ZNF93: variants seen among roughly 807,000 people sequenced by gnomAD.
ZNF93 encodes the protein zinc finger protein 505.
Under a neutral mutation model 45.0 loss-of-function variants are expected in ZNF93, and 29 were observed. The observed-to-expected ratio is 0.64, with a 90% CI of 0.48 to 0.88. ZNF93 has a LOEUF of 0.88. Ranked by LOEUF, ZNF93 falls within the 40% of genes least tolerant of loss-of-function variation. The pLI, the probability that ZNF93 is intolerant of heterozygous loss-of-function variation, is 0.00. For missense variants in ZNF93, 578 were observed against 724.0 expected, an observed-to-expected ratio of 0.80 and a Z score of 2.31; for synonymous variants, 223 against 244.6, an observed-to-expected ratio of 0.91 and a Z score of 0.82.
chr19:19,930,317 T>C (rs200908445), intron 3 of ZNF93, among the ~76,000 whole-genome samples: 2 of 151,978 alleles, frequency 1.3e-5, no homozygotes, highest in Non-Finnish European at 2.9e-5. Context: ...AGGTGTACAG[T>C]ATGGAACCTG....
At chr19:19,913,080 G>A (rs2063314077) in intron 1 of ZNF93, among the ~76,000 whole-genome samples, 1 of 152,154 alleles carries the variant, frequency 6.6e-6, no homozygotes, top group South Asian at 2.1e-4. Context: ...ACCCTGTGCT[G>A]TTCCTGCTTT....
chr19:19,901,654 C>T (rs959168941), intron 1 of ZNF93, among the ~76,000 whole-genome samples: 2 of 151,854 alleles, frequency 1.3e-5, no homozygotes, highest in African/African-American at 4.8e-5. Context: ...CTTCTTTTTC[C>T]CCATTCTCCT....
chr19:19,934,119 G>A lies in ZNF93; in HGVS notation c.1164G>A (p.Lys388=), dbSNP rs140935689. 5.0e-6 allele frequency: 8 copies of A among 1,611,332 alleles called. No homozygotes were observed. The highest frequency in any genetic ancestry group is 1.3e-5 in the African/African-American group (1 of 74,804). ...GGTCCTCAGTCCTAACTAGACATAA[G>A]AGAGTTCATACTGGAGAGAAGCCCT... is the stretch of plus-strand genomic sequence containing the variant. The part of the protein sequence containing the change: ...FIWSSVLTRH[K]RVHTGEKPYK... The change falls in exon 4 of 4, where the codon AAG becomes AAA. Residue 388 remains lysine, a synonymous_variant. Transcript: ENST00000343769.
At chr19:19,930,270 T>C (rs2063369603) in intron 3 of ZNF93, among the ~76,000 whole-genome samples, 1 of 152,170 alleles carries the variant, frequency 6.6e-6, no homozygotes, top group Non-Finnish European at 1.5e-5. Context: ...TTTAGTACTT[T>C]CACTAATTTT....
intron 1 of ZNF93, among the ~76,000 whole-genome samples, chr19:19,902,039 G>A (rs577405888): frequency 2.6e-5 from 4 of 152,122 alleles, no homozygotes; most frequent in African/African-American, 9.6e-5. Flanking sequence ...AGTGAGCCGA[G>A]AGCTTGCCAT....
At chr19:19,905,053 T>C (rs1482352370) in intron 1 of ZNF93, among the ~76,000 whole-genome samples, 1 of 152,176 alleles carries the variant, frequency 6.6e-6, no homozygotes, top group East Asian at 1.9e-4. Context: ...GCAACCTGTT[T>C]TCTCCACCAA....
At chr19:19,932,268 G>A (rs1354917349) in intron 3 of ZNF93, 2 of 154,808 alleles carry the variant, frequency 1.3e-5, no homozygotes, top group Non-Finnish European at 2.9e-5. Flanking sequence ...CAAATATTCA[G>A]TTTGGTCTTA....
intron 3 of ZNF93, among the ~76,000 whole-genome samples, chr19:19,924,883 G>A (rs1338002201): frequency 6.6e-6 from 1 of 152,180 alleles, no homozygotes; most frequent in African/African-American, 2.4e-5. Flanking sequence ...GAGGCACCCC[G>A]CCTGGCCCAA....
intron 1 of ZNF93, among the ~76,000 whole-genome samples, chr19:19,911,585 T>C (rs1475180908): frequency 6.6e-6 from 1 of 152,044 alleles, no homozygotes; most frequent in Non-Finnish European, 1.5e-5. Flanking sequence ...TCCAGAAACT[T>C]TTAGTCTAGA....
At chr19:19,906,051 T>A (rs1344388792) in intron 1 of ZNF93, among the ~76,000 whole-genome samples, 3 of 152,196 alleles carry the variant, frequency 2.0e-5, no homozygotes, top group African/African-American at 7.2e-5. Flanking sequence ...TACCCAATTA[T>A]AAGGTTTCTG....
chr19:19,925,025 G>A (rs962973086), intron 3 of ZNF93, among the ~76,000 whole-genome samples: 7 of 152,204 alleles, frequency 4.6e-5, no homozygotes, highest in African/African-American at 1.4e-4. Context: ...GCTGTACATG[G>A]ATGCCTTTAT....
chr19:19,902,653 T>C (rs2063277321), intron 1 of ZNF93, among the ~76,000 whole-genome samples: 1 of 151,808 alleles, frequency 6.6e-6, no homozygotes, highest in South Asian at 2.1e-4. Context: ...GAGGCGTTAT[T>C]CTGAGAGAAG....
chr19:19,913,113 G>GC (rs1294545504), intron 1 of ZNF93, among the ~76,000 whole-genome samples: 1 of 149,566 alleles, frequency 6.7e-6, no homozygotes, highest in African/African-American at 2.6e-5. Flanking sequence ...CTCATAATGA[G>GC]CCAGTGGGGA....
chr19:19,930,248 A>G (rs200124178), intron 3 of ZNF93, among the ~76,000 whole-genome samples: 1 of 152,132 alleles, frequency 6.6e-6, no homozygotes, highest in African/African-American at 2.4e-5. Flanking sequence ...TTATTTCTGC[A>G]TATCAGAGAC....
Position 19,933,289 on chromosome 19 carries a change from C to T in ZNF93, c.334C>T (p.Gln112Ter). The T allele has an allele frequency of 6.2e-7, 1 of 1,611,516 alleles. No homozygotes were observed. Among genetic ancestry groups the T allele is most frequent in the East Asian group, 2.2e-5 (1 of 44,792 alleles). Reference protein sequence around the residue: ...RYEKRGHGNLQLIKRCESVDE... With the variant: ...RYEKRGHGNL ...TGAAAAACGTGGACATGGAAATTTA[C>T]AGTTAATAAAAAGGTGTGAAAGTGT... Residue 112 changes from glutamine to a stop codon, truncating the protein, a stop_gained, in exon 4 of 4, where the codon CAG becomes TAG. Transcript: ENST00000343769. LOFTEE classifies it high-confidence loss of function.
chr19:19,930,676 C>T (rs2063371203), intron 3 of ZNF93, among the ~76,000 whole-genome samples: 1 of 152,138 alleles, frequency 6.6e-6, no homozygotes, highest in Admixed American at 6.5e-5. Flanking sequence ...TATGTCCCCT[C>T]AGCTCCTATC....
intron 1 of ZNF93, among the ~76,000 whole-genome samples, chr19:19,902,087 TAAAAAA>T (rs922739298): frequency 6.7e-6 from 1 of 149,036 alleles, no homozygotes; most frequent in African/African-American, 2.5e-5. Flanking sequence ...GACTCCGTCT[TAAAAAA>T]AAAATAGACA....
At chr19:19,902,922 A>G (rs1025847092) in intron 1 of ZNF93, among the ~76,000 whole-genome samples, 2 of 151,574 alleles carry the variant, frequency 1.3e-5, no homozygotes, top group Non-Finnish European at 2.9e-5. Context: ...AATTTTTTTA[A>G]TAGAGACGGG....
chr19:19,911,112 A>G (rs2063306400), intron 1 of ZNF93, among the ~76,000 whole-genome samples: 1 of 152,174 alleles, frequency 6.6e-6, no homozygotes, highest in Admixed American at 6.5e-5. Context: ...ATGTAATACT[A>G]GAGTAGAGTA....
Sources: gnomAD v4.1 joint callset for allele counts (sites outside exome capture counted in the v4.1 genomes callset) on GRCh38, gnomAD v4.1.1 for gene constraint, MANE v1.5 for transcripts, NCBI Gene and HGNC (gene_info 2026-07-23, HGNC 2026-07-21) for gene names.